Variants in WDR77 observed in about 807,000 individuals in gnomAD.
WDR77 encodes the protein methylosome protein WDR77.
In WDR77, 31 loss-of-function variants were observed where a neutral mutation model predicts 44.0. The ratio of observed to expected loss-of-function variants is 0.70; its 90% CI spans 0.53 to 0.95. The LOEUF is 0.95. WDR77 is among the 40% of genes least tolerant of loss of function. The probability of loss-of-function intolerance (pLI) is 0.00; values close to 1 mark genes in which losing one functional copy is unlikely to be tolerated. For missense variants in WDR77, 390 were observed against 423.9 expected (o/e 0.92, Z 0.70); for synonymous variants, 186 against 165.7 (o/e 1.12, Z -0.94).
Position 111,440,051 on chromosome 1 carries a change from T to A in WDR77, c.*1179A>T, listed in dbSNP as rs576940163. 5.9e-5 allele frequency: 9 copies of A among 152,766 alleles called. No individual in the cohort carries two copies. In the South Asian group the frequency reaches 1.2e-3, roughly 21 times the overall value. The allele number at this position is 152,766 out of a possible 1,614,324, so 9.5% of individuals were successfully genotyped here. A position where few individuals can be genotyped will look rare whatever the true frequency, so the allele number is the denominator to read the frequency against. ...AAGCTCAAAAGTACATAATTGATTA[T>A]ATTTACTTTCAATATAATCAGTAAT... On this transcript the variant is annotated 3_prime_UTR_variant, in exon 10 of 10. Transcript: ENST00000235090.
At position 111,442,696 on chromosome 1, in the gene WDR77, C is replaced by G. The variant is rs1338402719; in HGVS notation, c.757G>C (p.Val253Leu). ...AGCCCAGTGACACACTGGGAGTGTA[C>G]AGCTGAGCTCAGGACACAGCTTGTA... ...KSTSCVLSSA[V>L]HSQCVTGLVF... The change falls in exon 8 of 10, where the codon GTA becomes CTA. Residue 253 changes from valine to leucine, a missense_variant. Physicochemically the swap from Val to Leu is conservative, Grantham distance 32. Transcript: ENST00000235090. 1.9e-6 allele frequency: 3 copies of G among 1,599,244 alleles called. No homozygotes were observed. Among genetic ancestry groups the G allele is most frequent in the East Asian group, 2.3e-5 (1 of 44,408 alleles).
At chr1:111,443,532 T>G (rs1191408800) in intron 6 of WDR77, 138 bp from the exon 7 acceptor site, 1 of 1,267,472 alleles carries the variant, frequency 7.9e-7, no homozygotes, top group African/African-American at 1.5e-5. Context: ...TCCTCATCCT[T>G]GAGCCTCATA....
intron 7 of WDR77, 102 bp downstream of exon 7, chr1:111,443,221 C>A: frequency 1.7e-6 from 2 of 1,193,338 alleles, no homozygotes; most frequent in Non-Finnish European, 2.4e-6. Context: ...TCCATGAGGG[C>A]TAAGACTGAG....
At position 111,441,161 on chromosome 1, in the gene WDR77, C is replaced by T; in HGVS notation, c.*69G>A. The T allele has an allele frequency of 7.3e-7, 1 of 1,369,950 alleles. No homozygotes were observed. The highest frequency in any genetic ancestry group is 9.5e-7 in the Non-Finnish European group (1 of 1,048,592). The allele number at this position is 1,369,950 out of a possible 1,614,324, so 84.9% of individuals were successfully genotyped here. A position where few individuals can be genotyped will look rare whatever the true frequency, so the allele number is the denominator to read the frequency against. Reference sequence around the variant, plus strand: ...ACTATAGAAGGCTCCTGTGTTGTCTCACAAGCTGAGAGGGCAGGGCAAAGA... The same window carrying T: ...ACTATAGAAGGCTCCTGTGTTGTCTTACAAGCTGAGAGGGCAGGGCAAAGA... On this transcript the variant is annotated 3_prime_UTR_variant, in exon 10 of 10. Coordinates refer to ENST00000235090, the MANE Select transcript of WDR77 (RefSeq NM_024102.4).
intron 3 of WDR77, 81 bp downstream of exon 3, chr1:111,447,354 A>G: frequency 4.4e-6 from 7 of 1,580,622 alleles, no homozygotes; most frequent in Non-Finnish European, 6.0e-6. Flanking sequence ...TAAGCCCAAA[A>G]TGTTACCTAA....
At chr1:111,448,941 C>G (rs758536695) in intron 1 of WDR77, 114 bp downstream of exon 1, 12 of 1,538,874 alleles carry the variant, frequency 7.8e-6, no homozygotes, top group South Asian at 3.6e-5. Context: ...CTCGGTGACG[C>G]GACCCAGGGT....
intron 6 of WDR77, 80 bp from the exon 7 acceptor site, chr1:111,443,474 C>A: frequency 7.1e-7 from 1 of 1,408,038 alleles, no homozygotes; most frequent in Non-Finnish European, 9.8e-7. Flanking sequence ...ACTCTAAATC[C>A]TGGGAGCACC....
chr1:111,445,902 G>A (rs1653006292), intron 4 of WDR77, among the ~76,000 whole-genome samples: 1 of 152,126 alleles, frequency 6.6e-6, no homozygotes, highest in Non-Finnish European at 1.5e-5. Flanking sequence ...CCAAGTAGCT[G>A]GGATTACAGA....
chr1:111,444,144 A>G lies in WDR77; in HGVS notation c.494-20T>C. On this transcript the variant is annotated intron_variant, in intron 4 of 9. Transcript: ENST00000235090. ...CATGAGCTATAAAGGAGAGAGAAAG[A>G]GAAATATGATAGAAAACAAGCTGAA... is the stretch of plus-strand genomic sequence containing the variant. The G allele has an allele frequency of 6.2e-7, 1 of 1,612,400 alleles. No individual in the cohort carries two copies. Among genetic ancestry groups the G allele is most frequent in the South Asian group, 1.1e-5 (1 of 91,034 alleles).
chr1:111,446,909 TA>T (rs899581207), intron 4 of WDR77, 185 bp downstream of exon 4: 406 of 618,010 alleles, frequency 6.6e-4, no homozygotes, highest in South Asian at 8.1e-4. Context: ...CTAGTCGAAT[TA>T]AAAAAAAAGA....
chr1:111,447,349 C>T, intron 3 of WDR77, 86 bp downstream of exon 3: 7 of 1,577,784 alleles, frequency 4.4e-6, no homozygotes, highest in Non-Finnish European at 3.5e-6. Flanking sequence ...TAGAATAAGC[C>T]CAAAATGTTA....
Position 111,440,194 on chromosome 1 carries a change from C to T in WDR77, c.*1036G>A, listed in dbSNP as rs1373130988. 1.3e-5 allele frequency: 2 copies of T among 152,190 alleles called. No individual in the cohort carries two copies. The highest frequency in any genetic ancestry group is 4.8e-5 in the African/African-American group (2 of 41,446). 9.4% of individuals were successfully genotyped at this position (152,190 alleles called of 1,614,324 possible). Reference sequence around the variant, plus strand: ...GAAGCACAGGAAAAATAATGGGCTACAAGACCAACACCATGATGACTCACA... The same window carrying T: ...GAAGCACAGGAAAAATAATGGGCTATAAGACCAACACCATGATGACTCACA... On this transcript the variant is annotated 3_prime_UTR_variant, in exon 10 of 10. Coordinates refer to ENST00000235090, the MANE Select transcript of WDR77 (RefSeq NM_024102.4).
At chr1:111,443,690 G>GT (rs1225505034) in intron 6 of WDR77, 177 bp downstream of exon 6, 1 of 985,272 alleles carries the variant, frequency 1.0e-6, no homozygotes, top group African/African-American at 1.7e-5. Context: ...CTTCCTCTTG[G>GT]TATTCATTGC....
chr1:111,448,821 C>G lies in WDR77; in HGVS notation c.116-17G>C. The G allele has an allele frequency of 6.4e-7, 1 of 1,561,020 alleles. No individual in the cohort carries two copies. Among genetic ancestry groups the G allele is most frequent in the South Asian group, 1.2e-5 (1 of 86,006 alleles). On this transcript the variant is annotated splice_polypyrimidine_tract_variant and intron_variant, in intron 1 of 9. Coordinates refer to ENST00000235090, the MANE Select transcript of WDR77 (RefSeq NM_024102.4). The stretch of plus-strand genomic sequence containing the variant: ...GCGCCCCATCTACGGGGGGTACAAG[C>G]TGTCAGCGCGTGAAGGGTAGAAGGG...
chr1:111,443,153 C>T (rs564808465), intron 7 of WDR77, among the ~76,000 whole-genome samples, 170 bp downstream of exon 7: 3 of 152,274 alleles, frequency 2.0e-5, no homozygotes, highest in African/African-American at 7.2e-5. Context: ...CAAAACTACA[C>T]TAAAACTACG....
rs1161533873 is a variant in WDR77 at position 111,441,337 on chromosome 1, GC to G, written c.921del (p.Leu308SerfsTer47). The G allele has an allele frequency of 6.4e-7, 1 of 1,573,264 alleles. No homozygotes were observed. Among genetic ancestry groups the G allele is most frequent in the Non-Finnish European group, 8.6e-7 (1 of 1,156,862 alleles). On this transcript the variant is annotated frameshift_variant, in exon 10 of 10. Transcript: ENST00000235090. LOFTEE classifies it high-confidence loss of function. ...RDFVRDATWS[P>X]LNHSLLTTVG... ...ACTGTGGTAAGCAGGGAGTGATTGA[GC>G]GGGGACCAAGTCGCATCTCTCACAA... is the stretch of plus-strand genomic sequence containing the variant.
At chr1:111,448,007 T>C (rs1196297059) in intron 2 of WDR77, among the ~76,000 whole-genome samples, 1 of 152,234 alleles carries the variant, frequency 6.6e-6, no homozygotes, top group Non-Finnish European at 1.5e-5. Flanking sequence ...TTGCAGAGTC[T>C]TTAAAAATAT....
At chr1:111,446,857 T>A in intron 4 of WDR77, 1 of 501,604 alleles carries the variant, frequency 2.0e-6, no homozygotes, top group Non-Finnish European at 3.6e-6. Flanking sequence ...CAGATTAAAC[T>A]CCTTGTTCTA....
rs751232416 is a variant in WDR77, at chr1:111,448,870, G to C, written c.116-66C>G. ...GGTTCGCCTCCATGGAGACCGCACAGAACAGCGTTCCGGCCGGGTCTGGAT... is the reference window on the plus strand; with the variant it reads ...GGTTCGCCTCCATGGAGACCGCACACAACAGCGTTCCGGCCGGGTCTGGAT... On this transcript the variant is annotated intron_variant, in intron 1 of 9. Coordinates refer to ENST00000235090, the MANE Select transcript of WDR77 (RefSeq NM_024102.4). 1.9e-6 allele frequency: 3 copies of C among 1,548,150 alleles called. No individual in the cohort carries two copies. The Admixed American group carries it at 5.9e-5, about 30-fold the overall frequency.
Sources: gnomAD v4.1 joint callset for allele counts (sites outside exome capture counted in the v4.1 genomes callset) on GRCh38, gnomAD v4.1.1 for gene constraint, MANE v1.5 for transcripts, NCBI Gene and HGNC (gene_info 2026-07-23, HGNC 2026-07-21) for gene names.